AGAP1: variants seen among roughly 807,000 people sequenced by gnomAD.
AGAP1 encodes ArfGAP with GTPase domain, ankyrin repeat and PH domain 1, also known as arf-GAP with GTPase, ANK repeat and PH domain-containing protein 1.
AGAP1 carries 29 observed loss-of-function variants against 105.3 expected under a neutral mutation model. That is an observed-to-expected ratio of 0.28 (90% CI 0.21 to 0.38). The LOEUF is 0.38. AGAP1 is among the 10% of genes least tolerant of loss of function. AGAP1 has a pLI of 1.00. For missense variants in AGAP1, 998 were observed against 1,165.1 expected, an observed-to-expected ratio of 0.86 and a Z score of 2.09; for synonymous variants, 509 against 485.9, an observed-to-expected ratio of 1.05 and a Z score of -0.63.
At position 236,038,435 on chromosome 2, in the gene AGAP1, G is replaced by A. The variant is rs2057446922; in HGVS notation, c.1800+1720G>A. On this transcript the variant is annotated intron_variant, in intron 14 of 17. Coordinates refer to ENST00000304032, the MANE Select transcript of AGAP1 (RefSeq NM_001037131.3). This position sits in a 1 kb window ranked among gnomAD's most constrained non-coding sequence, Gnocchi z 4.5. ...GGCAGCCTTTCCCATTCCACACCTT[G>A]CCAGGCTCCTCCTGACTCGTGTCTC... 6.6e-6 allele frequency among the ~76,000 whole-genome samples: 1 copy of A among 152,140 alleles called. No individual in the cohort carries two copies. Among genetic ancestry groups the A allele is most frequent in the Non-Finnish European group, 1.5e-5 (1 of 68,030 alleles).
At chr2:235,942,280 G>T (rs1054332281) in intron 12 of AGAP1, among the ~76,000 whole-genome samples, 7 of 152,170 alleles carry the variant, frequency 4.6e-5, no homozygotes, top group Non-Finnish European at 7.3e-5. Context: ...GGGTAGAGCC[G>T]TCACTGAAAT....
chr2:235,732,419 T>C lies in AGAP1; in HGVS notation c.311-8544T>C, dbSNP rs1952005133. 6.6e-6 allele frequency among the ~76,000 whole-genome samples: 1 copy of C among 152,192 alleles called. No individual in the cohort carries two copies. The highest frequency in any genetic ancestry group is 1.5e-5 in the Non-Finnish European group (1 of 68,036). On this transcript the variant is annotated intron_variant, in intron 3 of 17. Transcript: ENST00000304032. The surrounding 1 kb of genome is among the most constrained non-coding windows in gnomAD (Gnocchi z 4.8). ...CTCAGATCTGGACGTTTCCATTTTA[T>C]CTCATATTGTTTCAAATTCTCATAC...
At chr2:235,634,841 G>A (rs1029257702) in intron 1 of AGAP1, among the ~76,000 whole-genome samples, 1 of 152,072 alleles carries the variant, frequency 6.6e-6, no homozygotes, top group East Asian at 1.9e-4. Flanking sequence ...TACGTACCAC[G>A]AAGGAGGCTC....
rs11681341 is a variant in AGAP1, at chr2:235,889,521, C to T, written c.1155+6072C>T. 0.046 allele frequency among the ~76,000 whole-genome samples: 6,878 copies of T among 150,638 alleles called. 373 individuals are homozygous for T. Among genetic ancestry groups the T allele is most frequent in the African/African-American group, 0.13 (5,272 of 40,988 alleles). On this transcript the variant is annotated intron_variant, in intron 10 of 17. Coordinates refer to ENST00000304032, the MANE Select transcript of AGAP1 (RefSeq NM_001037131.3). This position sits in a 1 kb window ranked among gnomAD's most constrained non-coding sequence, Gnocchi z 4.6. ...TGCTTTGGATTTCTCTTTCCTTTCT[C>T]GTCATCCCCCAAAAGTGTCTTTGCC...
rs1221500274 is a variant in AGAP1 at position 235,655,873 on chromosome 2, T to C, written c.164-53306T>C. ...CATCCTGGATGCTGGGGAAGAATCT[T>C]TGTTGGAATATGACCCTGGGTTTTG... On this transcript the variant is annotated intron_variant, in intron 1 of 17. Transcript: ENST00000304032. This position sits in a 1 kb window ranked among gnomAD's most constrained non-coding sequence, Gnocchi z 4.3. Among the ~76,000 whole-genome samples the C allele has an allele frequency of 6.6e-6, 1 of 152,166 alleles. No individual in the cohort carries two copies. The highest frequency in any genetic ancestry group is 6.5e-5 in the Admixed American group (1 of 15,282).
chr2:235,868,724 C>T (rs1309455008), intron 9 of AGAP1, among the ~76,000 whole-genome samples: 1 of 152,204 alleles, frequency 6.6e-6, no homozygotes, highest in Non-Finnish European at 1.5e-5. Context: ...TTTATCACAG[C>T]TTGGGGCTGC....
At chr2:235,534,333 C>T (rs1453241275) in intron 1 of AGAP1, among the ~76,000 whole-genome samples, 12 of 152,090 alleles carry the variant, frequency 7.9e-5, no homozygotes, top group Non-Finnish European at 1.6e-4. Context: ...AATAAGAGGT[C>T]GCTGCTGTGA....
At chr2:236,098,958 G>A (rs550517407) in intron 16 of AGAP1, among the ~76,000 whole-genome samples, 4 of 151,822 alleles carry the variant, frequency 2.6e-5, no homozygotes, top group East Asian at 2.0e-4. Flanking sequence ...ATCCTAGTGC[G>A]TAAGGACTAG....
chr2:236,010,224 T>G (rs560960100), intron 13 of AGAP1, among the ~76,000 whole-genome samples: 1 of 152,302 alleles, frequency 6.6e-6, no homozygotes, highest in African/African-American at 2.4e-5. Flanking sequence ...AAGCTGTAGC[T>G]TCTAAAAATA....
At chr2:235,722,909 TAC>T (rs1000744199) in intron 3 of AGAP1, among the ~76,000 whole-genome samples, 10 of 151,840 alleles carry the variant, frequency 6.6e-5, no homozygotes, top group African/African-American at 2.4e-4. Context: ...AAAAAAATTA[TAC>T]ACACACTAAA....
At chr2:235,987,742 T>C (rs2055383038) in intron 13 of AGAP1, among the ~76,000 whole-genome samples, 2 of 152,136 alleles carry the variant, frequency 1.3e-5, no homozygotes, top group African/African-American at 4.8e-5. Flanking sequence ...ACTTCTTGAT[T>C]TCTGTCTTAA....
intron 1 of AGAP1, among the ~76,000 whole-genome samples, chr2:235,686,642 TATAG>T (rs1559350840): frequency 0.06 from 2,671 of 44,706 alleles, 108 homozygotes; most frequent in Non-Finnish European, 0.082. Flanking sequence ...TATATATATA[TATAG>T]ATATATATAT....
chr2:235,839,970 A>G (rs546507082), intron 9 of AGAP1, among the ~76,000 whole-genome samples: 1 of 152,380 alleles, frequency 6.6e-6, no homozygotes, highest in South Asian at 2.1e-4. Context: ...CATACCCAGA[A>G]AAGGGGAAAA....
chr2:235,710,697 G>A (rs867056201), intron 2 of AGAP1, among the ~76,000 whole-genome samples: 45 of 152,328 alleles, frequency 3.0e-4, no homozygotes, highest in East Asian at 7.7e-4. Flanking sequence ...TATTGAAGCC[G>A]TCCAGGAAAT....
intron 9 of AGAP1, among the ~76,000 whole-genome samples, chr2:235,808,493 A>G (rs1957958650): frequency 6.6e-6 from 1 of 152,096 alleles, no homozygotes; most frequent in Non-Finnish European, 1.5e-5. Flanking sequence ...GTGGGAGAGG[A>G]AGGGGTTAAA....
intron 6 of AGAP1, among the ~76,000 whole-genome samples, chr2:235,797,009 A>G (rs964657662): frequency 2.0e-5 from 3 of 152,218 alleles, no homozygotes; most frequent in African/African-American, 7.2e-5. Flanking sequence ...ATTGATTAAG[A>G]TAAACTTACA....
intron 1 of AGAP1, among the ~76,000 whole-genome samples, chr2:235,504,623 T>C (rs1941713185): frequency 6.6e-6 from 1 of 152,130 alleles, no homozygotes; most frequent in Non-Finnish European, 1.5e-5. Flanking sequence ...CTCATTTCTG[T>C]CGGGTGTGTG....
At chr2:235,778,484 G>C (rs150997806) in intron 6 of AGAP1, among the ~76,000 whole-genome samples, 97 of 152,212 alleles carry the variant, frequency 6.4e-4, no homozygotes, top group African/African-American at 2.3e-3. Flanking sequence ...TTCCTGCTCC[G>C]TGCTCTTCCT....
At chr2:235,861,075 A>C (rs2048910035) in intron 9 of AGAP1, among the ~76,000 whole-genome samples, 1 of 152,244 alleles carries the variant, frequency 6.6e-6, no homozygotes, top group African/African-American at 2.4e-5. Context: ...CATGAAATGC[A>C]ATACTTTATA....
Sources: allele counts gnomAD v4.1 joint callset (sites outside exome capture counted in the v4.1 genomes callset), GRCh38; gene constraint gnomAD v4.1.1; non-coding constraint Gnocchi (gnomAD v3.1); transcripts MANE v1.5; gene names NCBI Gene and HGNC (gene_info 2026-07-23, HGNC 2026-07-21).